Variants in EHBP1 observed in about 807,000 individuals in gnomAD.
EHBP1 encodes the protein EH domain binding protein 1, also known as EH domain-binding protein 1.
A neutral mutation model predicts 144.0 loss-of-function variants in EHBP1; 55 were observed. The ratio of observed to expected loss-of-function variants is 0.38; its 90% CI spans 0.31 to 0.48. The LOEUF (loss-of-function observed/expected upper bound fraction) is 0.48. EHBP1 is among the 20% of genes least tolerant of loss of function. The pLI is 0.98. For missense variants in EHBP1, 1,200 were observed against 1,364.2 expected, an observed-to-expected ratio of 0.88 and a Z score of 1.90; for synonymous variants, 469 against 472.7, an observed-to-expected ratio of 0.99 and a Z score of 0.10.
intron 19 of EHBP1, among the ~76,000 whole-genome samples, chr2:63,017,609 A>C (rs1206093162): frequency 6.6e-6 from 1 of 152,176 alleles, no homozygotes; most frequent in African/African-American, 2.4e-5. Flanking sequence ...ATTATTATTT[A>C]TATAATCTTT....
intron 1 of EHBP1, among the ~76,000 whole-genome samples, chr2:62,679,908 A>C (rs1460331254): frequency 1.3e-5 from 2 of 152,182 alleles, no homozygotes; most frequent in African/African-American, 4.8e-5. Context: ...TGGCAGACCT[A>C]AGGTGAAAGG....
rs549708699 is a variant in EHBP1 at position 62,675,554 on chromosome 2, T to C, written c.-296+1471T>C. On this transcript the variant is annotated intron_variant, in intron 1 of 22. Coordinates refer to the EHBP1 transcript ENST00000405015. Reference sequence around the variant, plus strand: ...ACTTTGAGGAGAGCCAAATAGTGTGTTTCCATTTTTGGCAAAGTTAGAACA... The same window carrying C: ...ACTTTGAGGAGAGCCAAATAGTGTGCTTCCATTTTTGGCAAAGTTAGAACA... 2.6e-5 allele frequency among the ~76,000 whole-genome samples: 4 copies of C among 152,250 alleles called. No individual in the cohort carries two copies. The South Asian group carries it at 8.3e-4, about 32-fold the overall frequency.
intron 10 of EHBP1, among the ~76,000 whole-genome samples, chr2:62,927,298 A>G (rs1212960203): frequency 1.3e-5 from 2 of 152,194 alleles, no homozygotes; most frequent in African/African-American, 4.8e-5. Flanking sequence ...ATACCACTGT[A>G]GAATGGCTAT....
Position 62,993,547 on chromosome 2 carries a change from C to T in EHBP1, c.2751C>T (p.Leu917=). The change falls in exon 17 of 23, where the codon CTC becomes CTT. Residue 917 remains leucine (L), a synonymous_variant. Transcript: ENST00000431489. ...EQDMKSGTED[L]RTERLQKTTE... Reference sequence around the variant, plus strand: ...ACGTTTAGAGTGGCACAGAAGATCTCCGGACTGAACGATTACAAAAAACAA... The same window carrying T: ...ACGTTTAGAGTGGCACAGAAGATCTTCGGACTGAACGATTACAAAAAACAA... 1 of 1,593,332 alleles carries T rather than the reference C, an allele frequency of 6.3e-7. No homozygotes were observed. The highest frequency in any genetic ancestry group is 2.2e-5 in the East Asian group (1 of 44,510).
intron 4 of EHBP1, among the ~76,000 whole-genome samples, chr2:62,766,918 A>G (rs2041233918): frequency 6.6e-6 from 1 of 151,314 alleles, no homozygotes; most frequent in African/African-American, 2.4e-5. Flanking sequence ...AGTCCCCCAT[A>G]AATATTTCTC....
chr2:62,756,044 C>A (rs543634119), intron 3 of EHBP1, among the ~76,000 whole-genome samples: 1 of 149,164 alleles, frequency 6.7e-6, no homozygotes, highest in Non-Finnish European at 1.5e-5. Context: ...AAGGCTGAGG[C>A]AGATGGATTA....
chr2:63,009,297 T>C (rs1398469900), intron 19 of EHBP1, among the ~76,000 whole-genome samples: 2 of 151,708 alleles, frequency 1.3e-5, no homozygotes, highest in Non-Finnish European at 3.0e-5. Context: ...ATCATTTTTC[T>C]GTTTTACTCT....
chr2:62,834,733 C>A (rs888398714), intron 7 of EHBP1, among the ~76,000 whole-genome samples: 2 of 152,146 alleles, frequency 1.3e-5, no homozygotes, highest in African/African-American at 2.4e-5. Flanking sequence ...ATGGATTGAA[C>A]GGCATGGGTC....
At chr2:62,989,898 C>A (rs1370711709) in intron 15 of EHBP1, among the ~76,000 whole-genome samples, 1 of 151,938 alleles carries the variant, frequency 6.6e-6, no homozygotes, top group Non-Finnish European at 1.5e-5. Context: ...AGAAGCCTTG[C>A]AATATAAACT....
At chr2:62,940,186 G>A in intron 10 of EHBP1, 1 of 352,384 alleles carries the variant, frequency 2.8e-6, no homozygotes, top group Non-Finnish European at 5.6e-6. Context: ...GCATCCGCAA[G>A]CAGTTTATTG....
intron 7 of EHBP1, among the ~76,000 whole-genome samples, chr2:62,848,041 A>G (rs2048416070): frequency 6.6e-6 from 1 of 151,038 alleles, no homozygotes; most frequent in Admixed American, 6.6e-5. Flanking sequence ...CATTGTTGGT[A>G]GAATGTATAA....
intron 15 of EHBP1, among the ~76,000 whole-genome samples, chr2:62,983,587 C>T (rs569821639): frequency 6.6e-6 from 1 of 152,324 alleles, no homozygotes; most frequent in South Asian, 2.1e-4. Flanking sequence ...GTTGCCCAAG[C>T]TGGAGTGCAA....
At chr2:63,027,127 G>C (rs1427642100) in intron 19 of EHBP1, among the ~76,000 whole-genome samples, 1 of 152,182 alleles carries the variant, frequency 6.6e-6, no homozygotes, top group Admixed American at 6.5e-5. Context: ...TTGAGGCCTG[G>C]TTCCACCACT....
intron 16 of EHBP1, among the ~76,000 whole-genome samples, chr2:62,993,156 A>G (rs938267621): frequency 7.2e-5 from 11 of 152,180 alleles, no homozygotes; most frequent in Admixed American, 3.3e-4. Flanking sequence ...GCCTTCATCC[A>G]GCATTAGTGG....
At chr2:62,889,588 G>A (rs1422802532) in intron 10 of EHBP1, among the ~76,000 whole-genome samples, 1 of 152,070 alleles carries the variant, frequency 6.6e-6, no homozygotes, top group African/African-American at 2.4e-5. Context: ...GTATAAAGAA[G>A]GGACCTAGTT....
At chr2:62,920,758 G>A (rs2055008709) in intron 10 of EHBP1, among the ~76,000 whole-genome samples, 1 of 151,948 alleles carries the variant, frequency 6.6e-6, no homozygotes, top group East Asian at 1.9e-4. Context: ...TGCCTTCTGG[G>A]TTCAGGCAAT....
intron 5 of EHBP1, among the ~76,000 whole-genome samples, chr2:62,813,570 A>G (rs1395709495): frequency 6.6e-6 from 1 of 152,158 alleles, no homozygotes; most frequent in Non-Finnish European, 1.5e-5. Flanking sequence ...CAGCCTGGGA[A>G]AGCTGCAGGC....
At chr2:62,735,347 A>C (rs1231472396) in intron 2 of EHBP1, among the ~76,000 whole-genome samples, 1 of 151,936 alleles carries the variant, frequency 6.6e-6, no homozygotes, top group Admixed American at 6.6e-5. Context: ...GTCCACTTTC[A>C]AGTAACACTG....
chr2:62,974,866 A>T (rs1171350140), intron 14 of EHBP1, among the ~76,000 whole-genome samples: 2 of 152,124 alleles, frequency 1.3e-5, no homozygotes, highest in Non-Finnish European at 2.9e-5. Flanking sequence ...GGTGTTACTT[A>T]AGCATATGTT....
Sources: gnomAD v4.1 joint callset for allele counts (sites outside exome capture counted in the v4.1 genomes callset) on GRCh38, gnomAD v4.1.1 for gene constraint, MANE v1.5 for transcripts, NCBI Gene and HGNC (gene_info 2026-07-23, HGNC 2026-07-21) for gene names.